DLG2: variants seen among roughly 807,000 people sequenced by gnomAD.
DLG2 encodes the protein disks large homolog 2.
Under a neutral mutation model 132.5 loss-of-function variants are expected in DLG2, and 45 were observed. That is an observed-to-expected ratio of 0.34 (90% CI 0.27 to 0.44). The LOEUF is 0.44. DLG2 is among the 20% of genes least tolerant of loss of function. DLG2 has a pLI of 1.00. For missense variants in DLG2, 1,045 were observed against 1,196.9 expected, an observed-to-expected ratio of 0.87 and a Z score of 1.87; for synonymous variants, 424 against 419.6, an observed-to-expected ratio of 1.01 and a Z score of -0.13.
chr11:84,152,053 A>C (rs1298964175), intron 9 of DLG2, among the ~76,000 whole-genome samples: 1 of 152,174 alleles, frequency 6.6e-6, no homozygotes, highest in Non-Finnish European at 1.5e-5. Context: ...GTAGATGTTT[A>C]TTAGGTCCAA....
intron 6 of DLG2, among the ~76,000 whole-genome samples, chr11:85,065,801 T>C (rs1430230393): frequency 2.0e-5 from 3 of 151,076 alleles, no homozygotes; most frequent in African/African-American, 4.8e-5. Context: ...CCCAAATCTC[T>C]GGGGTACAGA....
chr11:83,767,226 A>C (rs2094182481), intron 18 of DLG2, among the ~76,000 whole-genome samples: 1 of 152,128 alleles, frequency 6.6e-6, no homozygotes, highest in Non-Finnish European at 1.5e-5. Context: ...TTAGGATAAA[A>C]TTTTATTTTA....
intron 25 of DLG2, 100 bp downstream of exon 25, chr11:83,469,101 A>T: frequency 1.2e-6 from 1 of 839,374 alleles, no homozygotes. Flanking sequence ...AAAATTTACA[A>T]TTGCAATCAA....
chr11:83,894,927 A>G (rs151067563), intron 15 of DLG2, among the ~76,000 whole-genome samples: 6 of 152,152 alleles, frequency 3.9e-5, no homozygotes, highest in African/African-American at 1.4e-4. Context: ...TTTTATTTAA[A>G]TAATTACCTA....
chr11:85,006,327 G>A (rs2058660341), intron 6 of DLG2, among the ~76,000 whole-genome samples: 1 of 152,118 alleles, frequency 6.6e-6, no homozygotes, highest in Admixed American at 6.5e-5. Context: ...TGTACCTCTG[G>A]TAGAATTCAG....
chr11:84,288,796 G>A (rs1260077535), intron 7 of DLG2, among the ~76,000 whole-genome samples: 2 of 152,134 alleles, frequency 1.3e-5, no homozygotes, highest in Non-Finnish European at 2.9e-5. Flanking sequence ...AATAGGCCTT[G>A]CAAACTTTGC....
intron 8 of DLG2, among the ~76,000 whole-genome samples, chr11:84,181,828 G>C (rs2096137236): frequency 6.6e-6 from 1 of 152,156 alleles, no homozygotes; most frequent in Non-Finnish European, 1.5e-5. Context: ...GGGAGAAGAT[G>C]TAACAACCCT....
chr11:84,468,051 C>A (rs894570177), intron 7 of DLG2, among the ~76,000 whole-genome samples: 1 of 151,370 alleles, frequency 6.6e-6, no homozygotes, highest in Non-Finnish European at 1.5e-5. Context: ...AAAACAATAC[C>A]TACTTTGCAG....
chr11:84,166,937 T>TA (rs531822320), intron 8 of DLG2: 11 of 533,358 alleles, frequency 2.1e-5, no homozygotes, highest in African/African-American at 1.5e-4. Context: ...CAGTAACACT[T>TA]ACGGTAATAT....
At chr11:85,177,887 C>G (rs1195838339) in intron 4 of DLG2, among the ~76,000 whole-genome samples, 2 of 151,722 alleles carry the variant, frequency 1.3e-5, no homozygotes, top group African/African-American at 2.4e-5. Context: ...AAATATATAA[C>G]TTGAATTTAA....
At chr11:85,042,530 T>C (rs943572523) in intron 6 of DLG2, among the ~76,000 whole-genome samples, 1 of 151,980 alleles carries the variant, frequency 6.6e-6, no homozygotes, top group East Asian at 1.9e-4. Context: ...AAAAGGACTT[T>C]GCTCTCTGAC....
At chr11:84,794,500 T>C (rs1450493458) in intron 6 of DLG2, among the ~76,000 whole-genome samples, 1 of 152,066 alleles carries the variant, frequency 6.6e-6, no homozygotes, top group Admixed American at 6.5e-5. Flanking sequence ...CACCCAGCAA[T>C]GGTTCAACAC....
In DLG2 at chr11:83,875,937, C is replaced by G. The variant is rs564410987; in HGVS notation, c.1497-1449G>C. On this transcript the variant is annotated intron_variant, in intron 15 of 27. Coordinates refer to ENST00000376104, the MANE Select transcript of DLG2 (RefSeq NM_001142699.3). ...TAGCTGAAACCTACAGAATCATATT[C>G]AAGTTAAAGACTGTGCCTCTTCAAG... 1.2e-3 allele frequency among the ~76,000 whole-genome samples: 177 copies of G among 152,254 alleles called. 1 individual carries two copies. The highest frequency in any genetic ancestry group is 4.1e-3 in the African/African-American group (172 of 41,556).
At chr11:84,464,288 A>G (rs935195650) in intron 7 of DLG2, among the ~76,000 whole-genome samples, 3 of 151,218 alleles carry the variant, frequency 2.0e-5, no homozygotes, top group Non-Finnish European at 4.4e-5. Context: ...CAACAGAGGT[A>G]TGAACAAACA....
chr11:85,433,163 G>A (rs939855425), intron 3 of DLG2, among the ~76,000 whole-genome samples: 1 of 152,076 alleles, frequency 6.6e-6, no homozygotes, highest in African/African-American at 2.4e-5. Flanking sequence ...AGCTCCTGAA[G>A]GAAGCATCAA....
chr11:84,912,528 C>T (rs1591162177), intron 6 of DLG2, among the ~76,000 whole-genome samples: 3 of 152,338 alleles, frequency 2.0e-5, no homozygotes, highest in South Asian at 4.1e-4. Context: ...TAAAGCCTTG[C>T]TCATGATACA....
At chr11:84,226,091 G>A (rs1180369436) in intron 8 of DLG2, among the ~76,000 whole-genome samples, 2 of 152,222 alleles carry the variant, frequency 1.3e-5, no homozygotes, top group African/African-American at 2.4e-5. Context: ...GATTACAGGC[G>A]TGAGCTGCTG....
At chr11:83,560,437 A>T (rs2096591990) in intron 19 of DLG2, among the ~76,000 whole-genome samples, 1 of 152,168 alleles carries the variant, frequency 6.6e-6, no homozygotes, top group Admixed American at 6.5e-5. Context: ...AAGAGTGCCT[A>T]CATTTGGAGG....
At chr11:85,412,760 C>CACACACATATATATAT (rs756868795) in intron 3 of DLG2, among the ~76,000 whole-genome samples, 16 of 113,264 alleles carry the variant, frequency 1.4e-4, no homozygotes, top group South Asian at 1.3e-3. Flanking sequence ...CACACACACA[C>CACACACATATATATAT]ATATATATAT....
Sources: allele counts gnomAD v4.1 joint callset (sites outside exome capture counted in the v4.1 genomes callset), GRCh38; gene constraint gnomAD v4.1.1; transcripts MANE v1.5; gene names NCBI Gene and HGNC (gene_info 2026-07-23, HGNC 2026-07-21).